Variants in PTPRD observed in about 807,000 individuals in gnomAD.
PTPRD encodes the protein receptor-type tyrosine-protein phosphatase delta.
Under a neutral mutation model 214.5 loss-of-function variants are expected in PTPRD, and 34 were observed. That is an observed-to-expected ratio of 0.16 (90% CI 0.12 to 0.21). The LOEUF (loss-of-function observed/expected upper bound fraction) is 0.21, where lower values mean the gene tolerates loss of function less well. PTPRD is among the 10% of genes least tolerant of loss of function. PTPRD has a pLI of 1.00. For missense variants in PTPRD, 2,545 were observed against 2,398.7 expected, an observed-to-expected ratio of 1.06 and a Z score of -1.27; for synonymous variants, 1,128 against 845.7, an observed-to-expected ratio of 1.33 and a Z score of -5.79.
intron 12 of PTPRD, among the ~76,000 whole-genome samples, chr9:8,676,472 G>A (rs201940811): frequency 1.1e-4 from 15 of 139,262 alleles, no homozygotes; most frequent in South Asian, 2.4e-4. Flanking sequence ...AACCTCCGCC[G>A]CCCAGGTTCA....
At chr9:8,973,889 T>C (rs2099253445) in intron 11 of PTPRD, among the ~76,000 whole-genome samples, 1 of 151,990 alleles carries the variant, frequency 6.6e-6, no homozygotes, top group South Asian at 2.1e-4. Context: ...CTTTGTGTCT[T>C]TTGCCCACTT....
At chr9:9,964,282 T>A (rs537511758) in intron 4 of PTPRD, among the ~76,000 whole-genome samples, 2 of 152,168 alleles carry the variant, frequency 1.3e-5, no homozygotes, top group African/African-American at 4.8e-5. Flanking sequence ...CAAGAAAGAA[T>A]GTAATAGCAG....
At chr9:8,713,527 C>G in intron 12 of PTPRD, 1 of 1,240,480 alleles carries the variant, frequency 8.1e-7, no homozygotes, top group South Asian at 1.2e-5. Context: ...GAAGTCCCCG[C>G]TGCGGGTGAA....
chr9:9,505,298 C>G (rs747962139), intron 8 of PTPRD, among the ~76,000 whole-genome samples: 1 of 151,566 alleles, frequency 6.6e-6, no homozygotes, highest in Non-Finnish European at 1.5e-5. Context: ...AAATCCTTCT[C>G]TTCTTTATAG....
chr9:10,554,843 G>C (rs1039951674), intron 2 of PTPRD, among the ~76,000 whole-genome samples: 1 of 151,996 alleles, frequency 6.6e-6, no homozygotes, highest in Non-Finnish European at 1.5e-5. Flanking sequence ...TGTATTTTTA[G>C]TAGACAGGGG....
intron 8 of PTPRD, among the ~76,000 whole-genome samples, chr9:9,407,036 T>C (rs563256159): frequency 1.3e-5 from 2 of 151,842 alleles, no homozygotes; most frequent in East Asian, 3.9e-4. Flanking sequence ...CATAAGTAAA[T>C]AGGAATAGTA....
At chr9:9,188,991 G>C (rs2099933431) in intron 9 of PTPRD, among the ~76,000 whole-genome samples, 1 of 152,026 alleles carries the variant, frequency 6.6e-6, no homozygotes, top group African/African-American at 2.4e-5. Context: ...GTAGAAGCTA[G>C]CCATGAAGAA....
chr9:10,117,612 G>GTTTTTTTTTTTTTTT (rs35593505), intron 3 of PTPRD, among the ~76,000 whole-genome samples: 1 of 144,666 alleles, frequency 6.9e-6, no homozygotes. Flanking sequence ...AAATCTCCCC[G>GTTTTTTTTTTTTTTT]TTTTTTTTTT....
intron 2 of PTPRD, among the ~76,000 whole-genome samples, chr9:10,350,253 T>G (rs1014497478): frequency 2.0e-5 from 3 of 152,208 alleles, no homozygotes; most frequent in African/African-American, 7.2e-5. Flanking sequence ...GACTCTCTTT[T>G]TGTTGTCAAA....
At chr9:9,604,186 G>A (rs1460139669) in intron 7 of PTPRD, among the ~76,000 whole-genome samples, 1 of 151,976 alleles carries the variant, frequency 6.6e-6, no homozygotes, top group African/African-American at 2.4e-5. Flanking sequence ...CTGTCTAAAT[G>A]CATCTGGGCA....
chr9:10,177,962 G>A (rs1301521563), intron 3 of PTPRD, among the ~76,000 whole-genome samples: 6 of 151,942 alleles, frequency 3.9e-5, no homozygotes, highest in African/African-American at 1.2e-4. Context: ...GCAGTCCAGA[G>A]ATAGGTGGCT....
At chr9:10,096,190 G>C (rs1469821700) in intron 3 of PTPRD, among the ~76,000 whole-genome samples, 5 of 151,552 alleles carry the variant, frequency 3.3e-5, no homozygotes, top group African/African-American at 7.3e-5. Flanking sequence ...ACTAGAATTG[G>C]GCACTGGTCT....
At chr9:10,588,217 T>C (rs1286939826) in intron 2 of PTPRD, among the ~76,000 whole-genome samples, 1 of 152,054 alleles carries the variant, frequency 6.6e-6, no homozygotes, top group Non-Finnish European at 1.5e-5. Context: ...AATTAATGAG[T>C]GCTCTCAGTT....
intron 7 of PTPRD, among the ~76,000 whole-genome samples, chr9:9,577,368 A>T (rs1411417103): frequency 6.6e-6 from 1 of 152,040 alleles, no homozygotes; most frequent in African/African-American, 2.4e-5. Context: ...GTTTGAGACC[A>T]GCCTCGGCAA....
intron 11 of PTPRD, among the ~76,000 whole-genome samples, chr9:9,010,435 G>C (rs918750909): frequency 6.6e-6 from 1 of 152,156 alleles, no homozygotes; most frequent in African/African-American, 2.4e-5. Flanking sequence ...GACTGCATCA[G>C]CTAGGCTCTC....
chr9:10,548,758 G>C (rs910530867), intron 2 of PTPRD, among the ~76,000 whole-genome samples: 2 of 151,980 alleles, frequency 1.3e-5, no homozygotes, highest in Admixed American at 1.3e-4. Flanking sequence ...TTAGAATGCT[G>C]GGAGATGTGT....
chr9:9,741,027 G>A (rs943907065), intron 6 of PTPRD, among the ~76,000 whole-genome samples: 3 of 152,122 alleles, frequency 2.0e-5, no homozygotes, highest in East Asian at 3.9e-4. Context: ...GAAAGACTTC[G>A]GTAACTGGCA....
chr9:8,940,280 C>CTTTTTTTTTTTTTTTTTTTTTTTTTTTT (rs34342718), intron 11 of PTPRD, among the ~76,000 whole-genome samples: 5 of 89,050 alleles, frequency 5.6e-5, no homozygotes, highest in African/African-American at 2.2e-4. Context: ...TCTCTCTCTC[C>CTTTTTTTTTTTTTTTTTTTTTTTTTTTT]TTTTTTTTTT....
chr9:8,461,020 A>G (rs1033895503), intron 32 of PTPRD, among the ~76,000 whole-genome samples: 2 of 152,068 alleles, frequency 1.3e-5, no homozygotes, highest in African/African-American at 4.8e-5. Flanking sequence ...AGACCAAAGT[A>G]CATATTTACA....
Sources: allele counts gnomAD v4.1 joint callset (sites outside exome capture counted in the v4.1 genomes callset), GRCh38; gene constraint gnomAD v4.1.1; transcripts MANE v1.5; gene names NCBI Gene and HGNC (gene_info 2026-07-23, HGNC 2026-07-21).